Variants in DAB1 observed in about 807,000 individuals in gnomAD.
DAB1 encodes disabled homolog 1.
A neutral mutation model predicts 64.6 loss-of-function variants in DAB1; 15 were observed. The observed-to-expected ratio is 0.23, with a 90% CI of 0.16 to 0.36. The LOEUF is 0.36. Among genes scored for constraint, DAB1 ranks in the 10% least tolerant of loss-of-function variants. The pLI, the probability that DAB1 is intolerant of heterozygous loss-of-function variation, is 1.00. For missense variants in DAB1, 596 were observed against 706.7 expected, an observed-to-expected ratio of 0.84 and a Z score of 1.78; for synonymous variants, 235 against 251.9, an observed-to-expected ratio of 0.93 and a Z score of 0.64.
chr1:57,871,610 C>T (rs1643950310), intron 1 of DAB1, among the ~76,000 whole-genome samples: 1 of 152,144 alleles, frequency 6.6e-6, no homozygotes, highest in Non-Finnish European at 1.5e-5. Context: ...ATGGACTCCA[C>T]CTCTAACCCT....
In DAB1 at chr1:57,992,840, C is replaced by T. The variant is rs375789325; in HGVS notation, n.388-108678G>A. 1.5e-4 allele frequency among the ~76,000 whole-genome samples: 23 copies of T among 152,050 alleles called. 1 individual carries two copies. Among genetic ancestry groups the T allele is most frequent in the African/African-American group, 4.6e-4 (19 of 41,476 alleles). On this transcript the variant is annotated intron_variant and non_coding_transcript_variant, in intron 5 of 20. Transcript: ENST00000485760. Reference sequence around the variant, plus strand: ...CTGGTGCCATGTCACTACCATGAACCTCTCAGTGGCCAGGAAACCAAATTC... The same window carrying T: ...CTGGTGCCATGTCACTACCATGAACTTCTCAGTGGCCAGGAAACCAAATTC...
chr1:57,958,546 TCTCTTCCTCTTCCAGAGC>T (rs929697672), intron 5 of DAB1, among the ~76,000 whole-genome samples: 3 of 152,096 alleles, frequency 2.0e-5, no homozygotes, highest in African/African-American at 7.2e-5. Flanking sequence ...AGTCACCTAA[TCTCTTCCTCTTCCAGAGC>T]CTCATCCAGA....
chr1:58,449,565 T>C (rs945522025), intron 3 of DAB1, among the ~76,000 whole-genome samples: 30 of 152,238 alleles, frequency 2.0e-4, no homozygotes, highest in Non-Finnish European at 2.9e-4. Context: ...TCTAGGATTG[T>C]GTTCAGTCAT....
At chr1:57,016,753 G>C (rs1207945588) in intron 11 of DAB1, among the ~76,000 whole-genome samples, 2 of 151,992 alleles carry the variant, frequency 1.3e-5, no homozygotes, top group African/African-American at 4.8e-5. Context: ...ATTTCAACAG[G>C]AGCACAAGCA....
intron 1 of DAB1, among the ~76,000 whole-genome samples, chr1:57,397,589 T>A (rs1427490857): frequency 6.6e-6 from 1 of 152,138 alleles, no homozygotes; most frequent in African/African-American, 2.4e-5. Flanking sequence ...ACACAGTCAC[T>A]GCCATGTATG....
In DAB1 at chr1:58,432,994, G is replaced by A. The variant is rs556562452; in HGVS notation, n.257+73066C>T. Among the ~76,000 whole-genome samples the A allele has an allele frequency of 3.9e-4, 60 of 152,302 alleles. 1 individual carries two copies. The highest frequency in any genetic ancestry group is 3.9e-3 in the East Asian group (20 of 5,178). On this transcript the variant is annotated intron_variant and non_coding_transcript_variant, in intron 3 of 20. Transcript: ENST00000485760. The stretch of plus-strand genomic sequence containing the variant: ...GTCTGCCTCCCAGGCATTCCTCTTT[G>A]CAAGCCGACTCATACAGTACCCGGA...
chr1:57,360,671 G>A (rs1425611680), intron 1 of DAB1, among the ~76,000 whole-genome samples: 2 of 151,810 alleles, frequency 1.3e-5, no homozygotes, highest in Non-Finnish European at 2.9e-5. Context: ...TAAAATAAAG[G>A]GATAAAAATC....
At chr1:57,690,304 T>G (rs1252874080) in intron 6 of DAB1, among the ~76,000 whole-genome samples, 1 of 152,152 alleles carries the variant, frequency 6.6e-6, no homozygotes, top group South Asian at 2.1e-4. Context: ...ACAAATCTCA[T>G]GTCAAATTGT....
chr1:57,755,021 C>G lies in DAB1; in HGVS notation n.552-105356G>C, dbSNP rs571094224. On this transcript the variant is annotated intron_variant and non_coding_transcript_variant, in intron 6 of 20. Coordinates refer to the DAB1 transcript ENST00000485760. The stretch of plus-strand genomic sequence containing the variant: ...AAAACAAACAAACAAAAAATCCAAG[C>G]AAGTAAAAAGGTAATCAAACACACA... Among the ~76,000 whole-genome samples the G allele has an allele frequency of 4.6e-5, 7 of 152,142 alleles. No homozygotes were observed. The South Asian group carries it at 1.5e-3, about 32-fold the overall frequency.
chr1:57,164,741 G>A (rs1661071878), intron 2 of DAB1, among the ~76,000 whole-genome samples: 1 of 152,088 alleles, frequency 6.6e-6, no homozygotes, highest in African/African-American at 2.4e-5. Context: ...AAGCACTGCT[G>A]GGGCTCTTGC....
intron 4 of DAB1, among the ~76,000 whole-genome samples, chr1:58,152,357 G>C (rs1225149443): frequency 6.6e-6 from 1 of 152,180 alleles, no homozygotes; most frequent in Admixed American, 6.5e-5. Flanking sequence ...AGAAGGTAAA[G>C]AGAAATGCCA....
upstream of DAB1, chr1:57,424,119 G>A (rs957605533): frequency 1.3e-5 from 2 of 150,162 alleles, no homozygotes; most frequent in African/African-American, 4.9e-5. Context: ...CGCCACCCGC[G>A]CGGACCCGCC....
intron 5 of DAB1, among the ~76,000 whole-genome samples, chr1:58,122,102 T>C (rs889179453): frequency 1.3e-5 from 2 of 152,204 alleles, no homozygotes; most frequent in Non-Finnish European, 2.9e-5. Context: ...ATCCTTTCAC[T>C]TGACTTTGAT....
intron 1 of DAB1, chr1:57,864,884 A>G (rs1376574043): frequency 6.6e-6 from 1 of 151,972 alleles, no homozygotes; most frequent in Non-Finnish European, 1.5e-5. Context: ...CGCTTTGTAA[A>G]CCGTGAAAGT....
At chr1:58,169,825 C>T (rs537343193) in intron 4 of DAB1, among the ~76,000 whole-genome samples, 4 of 152,252 alleles carry the variant, frequency 2.6e-5, no homozygotes, top group African/African-American at 9.6e-5. Flanking sequence ...CCCAGGCTAT[C>T]GGTTATGTCC....
chr1:57,646,680 T>C (rs544227856), intron 7 of DAB1, among the ~76,000 whole-genome samples: 63 of 152,126 alleles, frequency 4.1e-4, no homozygotes, highest in African/African-American at 1.4e-3. Flanking sequence ...GCCCAGGAGG[T>C]TGAGGCTGCA....
chr1:57,435,266 C>G (rs1685656067), intron 7 of DAB1, among the ~76,000 whole-genome samples: 1 of 151,958 alleles, frequency 6.6e-6, no homozygotes, highest in South Asian at 2.1e-4. Flanking sequence ...ACAGGCTGGT[C>G]TTGAACTCCT....
intron 4 of DAB1, among the ~76,000 whole-genome samples, chr1:58,284,873 T>C (rs1050810184): frequency 6.6e-6 from 1 of 152,212 alleles, no homozygotes; most frequent in African/African-American, 2.4e-5. Context: ...GGGTACACCT[T>C]CTGACTGCTT....
At chr1:57,868,056 C>T (rs1425655991) in intron 1 of DAB1, among the ~76,000 whole-genome samples, 4 of 152,182 alleles carry the variant, frequency 2.6e-5, no homozygotes, top group Non-Finnish European at 5.9e-5. Context: ...CAGCCCAGCT[C>T]TGGTACACTG....
Sources: allele counts gnomAD v4.1 joint callset (sites outside exome capture counted in the v4.1 genomes callset), GRCh38; gene constraint gnomAD v4.1.1; transcripts MANE v1.5; gene names NCBI Gene and HGNC (gene_info 2026-07-23, HGNC 2026-07-21).